PTPRQ: variants seen among roughly 807,000 people sequenced by gnomAD.
PTPRQ encodes the protein phosphatidylinositol phosphatase PTPRQ.
Under a neutral mutation model 246.0 loss-of-function variants are expected in PTPRQ, and 199 were observed. The ratio of observed to expected loss-of-function variants is 0.81; its 90% CI spans 0.72 to 0.91. PTPRQ has a LOEUF of 0.91. Ranked by LOEUF, PTPRQ falls within the 40% of genes least tolerant of loss-of-function variation. The pLI is 0.00. For missense variants in PTPRQ, 2,624 were observed against 2,528.4 expected, an observed-to-expected ratio of 1.04 and a Z score of -0.81; for synonymous variants, 869 against 853.2, an observed-to-expected ratio of 1.02 and a Z score of -0.32.
intron 17 of PTPRQ, among the ~76,000 whole-genome samples, chr12:80,532,049 T>C (rs1459796778): frequency 2.6e-5 from 4 of 152,134 alleles, no homozygotes; most frequent in Non-Finnish European, 5.9e-5. Context: ...GCTTTTTTTT[T>C]ACAGTTGGTA....
At chr12:80,506,786 AC>A in intron 16 of PTPRQ, 116 bp downstream of exon 16, 1 of 796,244 alleles carries the variant, frequency 1.3e-6, no homozygotes, top group Non-Finnish European at 1.9e-6. Context: ...TGTGTACCAT[AC>A]CAGCGTTATA....
rs150011579 is a variant in PTPRQ at position 80,620,806 on chromosome 12, A to G, written c.5612+430A>G. Among the ~76,000 whole-genome samples, 1,455 of 152,016 alleles carry G rather than the reference A, an allele frequency of 9.6e-3. 32 individuals carry two copies. Among genetic ancestry groups the G allele is most frequent in the African/African-American group, 0.033 (1,355 of 41,530 alleles). On this transcript the variant is annotated intron_variant, in intron 32 of 44. Coordinates refer to ENST00000644991, the MANE Select transcript of PTPRQ (RefSeq NM_001145026.2). ...ACAGTGGCTTCCCTTTATGTCACTC[A>G]TAACAATAACTCTCTGCTTTTTATC...
chr12:80,595,322 C>G (rs1007137702), intron 26 of PTPRQ, among the ~76,000 whole-genome samples: 2 of 152,146 alleles, frequency 1.3e-5, no homozygotes, highest in Non-Finnish European at 2.9e-5. Context: ...TCCCCTGTGC[C>G]TACTTTTAAT....
chr12:80,457,067 AT>A lies in PTPRQ; in HGVS notation c.391-501del, dbSNP rs550269979. ...TATTGGAAGATATTATTCAAATCAA[AT>A]TTTTTTATCTTTAAAATTCTGGAAT... On this transcript the variant is annotated intron_variant, in intron 3 of 44. Coordinates refer to ENST00000644991, the MANE Select transcript of PTPRQ (RefSeq NM_001145026.2). 2.0e-3 allele frequency among the ~76,000 whole-genome samples: 297 copies of A among 152,150 alleles called. 4 individuals are homozygous for A. The highest frequency in any genetic ancestry group is 6.7e-3 in the African/African-American group (278 of 41,556).
chr12:80,549,714 T>C lies in PTPRQ; in HGVS notation c.4265T>C (p.Val1422Ala). The C allele has an allele frequency of 6.5e-7, 1 of 1,549,348 alleles. No homozygotes were observed. Among genetic ancestry groups the C allele is most frequent in the Non-Finnish European group, 8.7e-7 (1 of 1,145,718 alleles). The change falls in exon 25 of 45, where the codon GTC becomes GCC. Residue 1422 changes from valine (V) to alanine (A), a missense_variant. By Grantham distance (64) the Val-to-Ala change is moderately conservative. Coordinates refer to ENST00000644991, the MANE Select transcript of PTPRQ (RefSeq NM_001145026.2). The part of the protein sequence containing the change: ...AGEGDESTCH[V>A]STLPETVPSV... The stretch of plus-strand genomic sequence containing the variant: ...GAAGGTGATGAAAGCACATGCCATG[T>C]CAGCACACTACCTGAAACAGGTAAC...
rs1896733363 is a variant in PTPRQ at position 80,558,628 on chromosome 12, T to C, written c.4285+8894T>C. Among the ~76,000 whole-genome samples the C allele has an allele frequency of 3.3e-5, 5 of 152,176 alleles. No individual in the cohort carries two copies. In the South Asian group the frequency reaches 1.0e-3, roughly 32 times the overall value. The stretch of plus-strand genomic sequence containing the variant: ...TTTTGTAGGAACATAAATTTTCCTA[T>C]GTCTAGGATATGCACTGAGGAGCAC... On this transcript the variant is annotated intron_variant, in intron 25 of 44. Coordinates refer to ENST00000644991, the MANE Select transcript of PTPRQ (RefSeq NM_001145026.2).
chr12:80,506,778 T>A, intron 16 of PTPRQ, 108 bp downstream of exon 16: 1 of 909,978 alleles, frequency 1.1e-6, no homozygotes, highest in Non-Finnish European at 1.6e-6. Context: ...GTATCAGTTG[T>A]GTACCATACC....
chr12:80,547,734 A>C (rs1206903141), intron 24 of PTPRQ, among the ~76,000 whole-genome samples: 1 of 152,204 alleles, frequency 6.6e-6, no homozygotes, highest in African/African-American at 2.4e-5. Context: ...TATTAGCAGT[A>C]GCCATCTCAT....
chr12:80,641,830 A>ATTC lies in PTPRQ; in HGVS notation c.5915+6760_5915+6762dup, dbSNP rs1187334898. Reference sequence around the variant, plus strand: ...CATCATAAAATAGAATCCTTTTCCTATTCTTTTTCTCCTTCTCTCTTTCTC... The same window carrying ATTC: ...CATCATAAAATAGAATCCTTTTCCTATTCTTCTTTTTCTCCTTCTCTCTTTCTC... On this transcript the variant is annotated intron_variant, in intron 35 of 44. Transcript: ENST00000644991. Among the ~76,000 whole-genome samples, 4 of 151,036 alleles carry ATTC rather than the reference A, an allele frequency of 2.6e-5. No individual in the cohort carries two copies. The East Asian group carries it at 7.8e-4, about 29-fold the overall frequency.
intron 28 of PTPRQ, among the ~76,000 whole-genome samples, chr12:80,612,743 G>A (rs1437461709): frequency 6.6e-6 from 1 of 150,420 alleles, no homozygotes; most frequent in Admixed American, 6.7e-5. Context: ...AAGATTGATT[G>A]CAGTTTTATT....
Position 80,605,152 on chromosome 12 carries a change from C to T in PTPRQ, c.4703C>T (p.Pro1568Leu), listed in dbSNP as rs923256043. Residue 1568 changes from proline to leucine, a missense_variant, in exon 27 of 45, where the codon CCA (proline) becomes CTA (leucine). Physicochemically the swap from Pro to Leu is moderately conservative, Grantham distance 98 (BLOSUM62 -3). Coordinates refer to ENST00000644991, the MANE Select transcript of PTPRQ (RefSeq NM_001145026.2). ...SWSEPAVITG[P>L]TCYLIDVKSV... ...AGTGAACCTGCTGTCATTACTGGAC[C>T]AACATGTTATCTGATTGATGTCAAA... is the stretch of plus-strand genomic sequence containing the variant. The T allele has an allele frequency of 1.2e-5, 18 of 1,543,506 alleles. No individual in the cohort carries two copies. The highest frequency in any genetic ancestry group is 2.5e-5 in the East Asian group (1 of 40,550).
At chr12:80,614,818 A>T (rs1045235418) in intron 29 of PTPRQ, among the ~76,000 whole-genome samples, 6 of 150,958 alleles carry the variant, frequency 4.0e-5, no homozygotes, top group African/African-American at 1.5e-4. Context: ...TCTTTATAGG[A>T]TATTTGTGAG....
rs1395070857 is a variant in PTPRQ at position 80,549,572 on chromosome 12, G to A, written c.4123G>A (p.Val1375Ile). Residue 1375 changes from valine (V) to isoleucine (I), a missense_variant, in exon 25 of 45, where the codon GTA becomes ATA. Transcript: ENST00000644991. ...KANGIITQYM[V>I]TVERNSTKVS... ...AAATGGAATAATAACGCAGTATATG[G>A]TAACAGTTGAAAGGAATTCTACAAA... 1.3e-6 allele frequency: 2 copies of A among 1,551,212 alleles called. No homozygotes were observed. Among genetic ancestry groups the A allele is most frequent in the Non-Finnish European group, 8.7e-7 (1 of 1,146,630 alleles).
intron 26 of PTPRQ, among the ~76,000 whole-genome samples, chr12:80,595,812 G>A (rs1221576158): frequency 6.7e-6 from 1 of 148,544 alleles, no homozygotes; most frequent in Non-Finnish European, 1.5e-5. Context: ...GAGAATATGC[G>A]GTGTTTGAAA....
At chr12:80,648,489 T>A (rs1475316310) in intron 35 of PTPRQ, among the ~76,000 whole-genome samples, 1 of 152,146 alleles carries the variant, frequency 6.6e-6, no homozygotes, top group African/African-American at 2.4e-5. Flanking sequence ...TCATGTTTCA[T>A]GGATTCATTC....
At chr12:80,462,249 G>A (rs1188944065) in intron 6 of PTPRQ, among the ~76,000 whole-genome samples, 1 of 152,238 alleles carries the variant, frequency 6.6e-6, no homozygotes, top group East Asian at 1.9e-4. Flanking sequence ...CCCCCACGGA[G>A]TCTGCCTGAT....
intron 17 of PTPRQ, among the ~76,000 whole-genome samples, chr12:80,515,234 T>C (rs931240204): frequency 4.6e-5 from 7 of 151,976 alleles, no homozygotes; most frequent in Non-Finnish European, 1.0e-4. Flanking sequence ...CAGTGAGACA[T>C]GGGTTTGAAT....
chr12:80,537,971 T>C (rs1896038319), intron 19 of PTPRQ, among the ~76,000 whole-genome samples: 1 of 151,970 alleles, frequency 6.6e-6, no homozygotes, highest in Non-Finnish European at 1.5e-5. Context: ...TAGCCGGGCA[T>C]GGTGGCAGGC....
At chr12:80,648,830 C>A in intron 35 of PTPRQ, 67 bp from the exon 36 acceptor site, 3 of 1,435,074 alleles carry the variant, frequency 2.1e-6, no homozygotes, top group Non-Finnish European at 9.2e-7. Flanking sequence ...TGACTTTAAT[C>A]TACACTTCTT....
Sources: gnomAD v4.1 joint callset for allele counts (sites outside exome capture counted in the v4.1 genomes callset) on GRCh38, gnomAD v4.1.1 for gene constraint, MANE v1.5 for transcripts, NCBI Gene and HGNC (gene_info 2026-07-23, HGNC 2026-07-21) for gene names.